The following RBFOX1 variants were observed in gnomAD, a reference collection of about 807,000 sequenced individuals.
The protein encoded by RBFOX1 is RNA binding fox-1 homolog 1.
Under a neutral mutation model 57.7 loss-of-function variants are expected in RBFOX1, and 8 were observed. The ratio of observed to expected loss-of-function variants is 0.14; its 90% CI spans 0.08 to 0.25. The LOEUF (loss-of-function observed/expected upper bound fraction) is 0.25, where lower values mean the gene tolerates loss of function less well. RBFOX1 is among the 10% of genes least tolerant of loss of function. The pLI is 1.00. For synonymous variants in RBFOX1, 326 were observed against 222.4 expected, an observed-to-expected ratio of 1.47 and a Z score of -4.15; for missense variants, 611 against 548.5, an observed-to-expected ratio of 1.11 and a Z score of -1.14.
intron 2 of RBFOX1, among the ~76,000 whole-genome samples, chr16:6,645,031 C>G (rs11859371): frequency 1.3e-5 from 2 of 152,124 alleles, no homozygotes; most frequent in South Asian, 4.1e-4. Context: ...AAAGTGTGAG[C>G]AGGACGGCTC....
chr16:6,803,437 C>A (rs2085969003), intron 3 of RBFOX1, among the ~76,000 whole-genome samples: 1 of 152,240 alleles, frequency 6.6e-6, no homozygotes, highest in South Asian at 2.1e-4. Context: ...GCGTTCTGGC[C>A]TTGGAAAAAC....
chr16:7,560,154 T>G (rs1413907817), intron 5 of RBFOX1, among the ~76,000 whole-genome samples: 1 of 152,216 alleles, frequency 6.6e-6, no homozygotes, highest in Non-Finnish European at 1.5e-5. Flanking sequence ...GCGATTCATG[T>G]AAATCTCTCT....
At chr16:6,902,140 G>C (rs879507103) in intron 3 of RBFOX1, among the ~76,000 whole-genome samples, 2 of 152,122 alleles carry the variant, frequency 1.3e-5, no homozygotes, top group African/African-American at 4.8e-5. Flanking sequence ...CTGGAACTTG[G>C]TAGGTGGTGC....
intron 3 of RBFOX1, among the ~76,000 whole-genome samples, chr16:5,691,653 T>C (rs751550636): frequency 2.6e-5 from 4 of 152,256 alleles, no homozygotes; most frequent in Non-Finnish European, 4.4e-5. Context: ...ATGAGAGTCA[T>C]GTTGGTGCTC....
At chr16:5,843,845 C>G (rs1404195086) in intron 3 of RBFOX1, among the ~76,000 whole-genome samples, 1 of 152,200 alleles carries the variant, frequency 6.6e-6, no homozygotes, top group Non-Finnish European at 1.5e-5. Flanking sequence ...AATGAGAGAA[C>G]ACAAAGAGGA....
chr16:5,571,900 G>C (rs896713216), intron 2 of RBFOX1, among the ~76,000 whole-genome samples: 4 of 152,214 alleles, frequency 2.6e-5, no homozygotes, highest in African/African-American at 9.6e-5. Context: ...GCACCAAAGT[G>C]CTGGGGTTAG....
chr16:7,044,991 G>A (rs973074017), intron 3 of RBFOX1, among the ~76,000 whole-genome samples: 4 of 152,180 alleles, frequency 2.6e-5, no homozygotes, highest in Non-Finnish European at 5.9e-5. Flanking sequence ...GATGAGCAAG[G>A]TTGCAGCCGA....
intron 3 of RBFOX1, among the ~76,000 whole-genome samples, chr16:6,984,750 C>A (rs28774372): frequency 1.3e-5 from 2 of 152,040 alleles, no homozygotes; most frequent in Admixed American, 1.3e-4. Context: ...ATGAAATTCT[C>A]CTGCCTCAGC....
chr16:6,063,661 G>A (rs139445504), intron 1 of RBFOX1, among the ~76,000 whole-genome samples: 118 of 152,164 alleles, frequency 7.8e-4, no homozygotes, highest in Admixed American at 1.6e-3. Flanking sequence ...ATTTTCAGGC[G>A]GTTGTATTCA....
intron 1 of RBFOX1, among the ~76,000 whole-genome samples, chr16:6,052,424 GCA>G: frequency 6.6e-6 from 1 of 152,056 alleles, no homozygotes; most frequent in Non-Finnish European, 1.5e-5. Context: ...TTTCTTTAAC[GCA>G]CAGTTTGCTT....
At chr16:5,255,199 C>A (rs1431791697) in intron 1 of RBFOX1, among the ~76,000 whole-genome samples, 1 of 152,088 alleles carries the variant, frequency 6.6e-6, no homozygotes, top group Non-Finnish European at 1.5e-5. Context: ...CAGAGGCAAG[C>A]CCCCTTGCCC....
chr16:5,704,266 G>C (rs2051156176), intron 3 of RBFOX1, among the ~76,000 whole-genome samples: 1 of 152,158 alleles, frequency 6.6e-6, no homozygotes, highest in African/African-American at 2.4e-5. Context: ...TATGCAAAGA[G>C]AAGCCCCAGC....
At position 7,710,787 on chromosome 16, in the gene RBFOX1, A is replaced by G. The variant is rs776303663; in HGVS notation, c.*42A>G. On this transcript the variant is annotated 3_prime_UTR_variant, in exon 16 of 16. Coordinates refer to ENST00000550418, the MANE Select transcript of RBFOX1 (RefSeq NM_018723.4). ...AACCTTCCAATGTGGGGAGAAAGGA[A>G]GCTTTCCGAGGCCTGAGTATTGCAA... The G allele has an allele frequency of 6.1e-6, 9 of 1,481,294 alleles. No homozygotes were observed. Among genetic ancestry groups the G allele is most frequent in the Non-Finnish European group, 3.6e-6 (4 of 1,104,142 alleles). The allele number at this position is 1,481,294 out of a possible 1,614,324, so 91.8% of individuals were successfully genotyped here. A position where few individuals can be genotyped will look rare whatever the true frequency, so the allele number is the denominator to read the frequency against.
At chr16:5,543,032 T>G (rs4643321) in intron 2 of RBFOX1, among the ~76,000 whole-genome samples, 47,192 of 152,044 alleles carry the variant, frequency 0.31, 8,669 homozygotes, top group East Asian at 0.85. Context: ...GGCTCTTGCC[T>G]CAGGAGTGGG....
At chr16:7,163,646 C>G (rs1030464318) in intron 4 of RBFOX1, among the ~76,000 whole-genome samples, 5 of 151,862 alleles carry the variant, frequency 3.3e-5, no homozygotes, top group African/African-American at 1.2e-4. Context: ...ATGTGTTTTT[C>G]TGTTTTTTTA....
chr16:7,158,928 C>T (rs1876058669), intron 4 of RBFOX1, among the ~76,000 whole-genome samples: 1 of 152,004 alleles, frequency 6.6e-6, no homozygotes, highest in African/African-American at 2.4e-5. Context: ...ACATTTATCA[C>T]TTGTGTAGTT....
At chr16:6,622,679 G>A (rs994638359) in intron 2 of RBFOX1, among the ~76,000 whole-genome samples, 5 of 152,168 alleles carry the variant, frequency 3.3e-5, no homozygotes, top group Non-Finnish European at 7.4e-5. Flanking sequence ...ATAAATGAAT[G>A]AGTGAGCAAT....
At chr16:7,187,954 C>T (rs13337511) in intron 4 of RBFOX1, among the ~76,000 whole-genome samples, 29,420 of 152,074 alleles carry the variant, frequency 0.19, 3,086 homozygotes, top group East Asian at 0.38. Flanking sequence ...CTTTAAGAAT[C>T]AACTCACAGA....
chr16:7,353,067 T>C (rs2097156043), intron 4 of RBFOX1, among the ~76,000 whole-genome samples: 1 of 152,184 alleles, frequency 6.6e-6, no homozygotes, highest in South Asian at 2.1e-4. Flanking sequence ...ATGAGTTACA[T>C]AGTGGAACCC....
Sources: allele counts gnomAD v4.1 joint callset (sites outside exome capture counted in the v4.1 genomes callset), GRCh38; gene constraint gnomAD v4.1.1; transcripts MANE v1.5; gene names NCBI Gene and HGNC (gene_info 2026-07-23, HGNC 2026-07-21).